The following FEZ1 variants were observed in gnomAD, a reference collection of about 807,000 sequenced individuals.
FEZ1 encodes fasciculation and elongation protein zeta-1.
In FEZ1, 20 loss-of-function variants were observed where a neutral mutation model predicts 49.3. That is an observed-to-expected ratio of 0.41 (90% confidence interval 0.29 to 0.59). The LOEUF is 0.59. FEZ1 is among the 20% of genes least tolerant of loss of function. FEZ1 has a pLI of 0.36. For missense variants in FEZ1, 413 were observed against 476.0 expected, an observed-to-expected ratio of 0.87 and a Z score of 1.23; for synonymous variants, 170 against 180.9, an observed-to-expected ratio of 0.94 and a Z score of 0.48.
intron 3 of FEZ1, among the ~76,000 whole-genome samples, chr11:125,477,852 T>G (rs1957245629): frequency 9.7e-6 from 1 of 103,300 alleles, no homozygotes; most frequent in African/African-American, 3.5e-5. Flanking sequence ...AGTGGAGCTT[T>G]ATGCAAAAAA....
chr11:125,452,466 T>G, intron 7 of FEZ1, 57 bp from the exon 8 acceptor site: 1 of 1,169,932 alleles, frequency 8.5e-7, no homozygotes, highest in Non-Finnish European at 1.3e-6. Context: ...TCCTCTGGGT[T>G]GAGATTTAGC....
chr11:125,455,644 G>A, intron 6 of FEZ1, 191 bp downstream of exon 6: 1 of 679,872 alleles, frequency 1.5e-6, no homozygotes, highest in Admixed American at 2.2e-5. Context: ...GGGTTAGACT[G>A]TGAGCCCTTT....
intron 3 of FEZ1, among the ~76,000 whole-genome samples, chr11:125,472,319 A>G (rs1047138692): frequency 1.3e-5 from 2 of 152,110 alleles, no homozygotes; most frequent in African/African-American, 2.4e-5. Context: ...TGGTTCTCTG[A>G]AAAGATTAAT....
Position 125,495,635 on chromosome 11 carries a change from G to T in FEZ1, c.-46+486C>A. On this transcript the variant is annotated intron_variant, in intron 1 of 9. Coordinates refer to ENST00000278919, the MANE Select transcript of FEZ1 (RefSeq NM_005103.5). This position sits in a 1 kb window ranked among gnomAD's most constrained non-coding sequence, Gnocchi z 4.2. Reference sequence around the variant, plus strand: ...TCGGGGGTAAGTTTTTAGGGACAAAGATGATCTTGGGGCGTTTACGGTGAC... The same window carrying T: ...TCGGGGGTAAGTTTTTAGGGACAAATATGATCTTGGGGCGTTTACGGTGAC... The T allele has an allele frequency of 2.2e-6, 1 of 452,678 alleles. No homozygotes were observed. The allele number at this position is 452,678 out of a possible 1,614,324, so 28.0% of individuals were successfully genotyped here. A position where few individuals can be genotyped will look rare whatever the true frequency, so the allele number is the denominator to read the frequency against.
chr11:125,463,491 GCTGT>G lies in FEZ1; in HGVS notation c.487_490del (p.Thr163GlnfsTer4). 1 of 1,590,160 alleles carries G rather than the reference GCTGT, an allele frequency of 6.3e-7. No homozygotes were observed. The highest frequency in any genetic ancestry group is 8.6e-7 in the Non-Finnish European group (1 of 1,158,330). On this transcript the variant is annotated frameshift_variant, in exon 4 of 10. Transcript: ENST00000278919. LOFTEE classifies it high-confidence loss of function. ...CTGGAGAGATACTTATACCTGATCT[GCTGT>G]GAGCAGAGGCTCCTCGTTGATACCG...
chr11:125,452,263 G>C (rs1253226724), intron 8 of FEZ1, 71 bp downstream of exon 8: 12 of 1,037,598 alleles, frequency 1.2e-5, no homozygotes, highest in Non-Finnish European at 1.7e-5. Context: ...CCTGCGGCAC[G>C]GAGGTACAAC....
chr11:125,454,016 C>G, intron 7 of FEZ1, 114 bp downstream of exon 7: 2 of 605,812 alleles, frequency 3.3e-6, no homozygotes, highest in Admixed American at 6.6e-5. Context: ...GGACCCCTAA[C>G]CCCCTAAATA....
rs1301890752 is a variant in FEZ1, at chr11:125,495,464, G to A, written c.-46+657C>T. The stretch of plus-strand genomic sequence containing the variant: ...CCCGACGGCAGCGCGCCCCGCCACC[G>A]CGCAGCCGCCCCGGTCCCTTCTCCC... On this transcript the variant is annotated intron_variant, in intron 1 of 9. Coordinates refer to ENST00000278919, the MANE Select transcript of FEZ1 (RefSeq NM_005103.5). The surrounding 1 kb of genome is among the most constrained non-coding windows in gnomAD (Gnocchi z 4.2). The A allele has an allele frequency of 6.4e-6, 3 of 470,258 alleles. No individual in the cohort carries two copies. The highest frequency in any genetic ancestry group is 2.4e-5 in the Admixed American group (1 of 42,508). 29.1% of individuals were successfully genotyped at this position (470,258 alleles called of 1,614,324 possible).
chr11:125,490,999 C>T (rs1465834213), intron 1 of FEZ1, among the ~76,000 whole-genome samples: 1 of 152,166 alleles, frequency 6.6e-6, no homozygotes, highest in African/African-American at 2.4e-5. Flanking sequence ...GGTGATCTAC[C>T]TGCCTCAGCC....
At chr11:125,481,347 A>G (rs1255095276) in intron 3 of FEZ1, among the ~76,000 whole-genome samples, 187 bp downstream of exon 3, 1 of 152,062 alleles carries the variant, frequency 6.6e-6, no homozygotes, top group Non-Finnish European at 1.5e-5. Flanking sequence ...TGGGGGTTTC[A>G]CCACGTGGCC....
At position 125,448,536 on chromosome 11, in the gene FEZ1, C is replaced by T; in HGVS notation, c.1128G>A (p.Lys376=). 1.2e-5 allele frequency: 19 copies of T among 1,612,278 alleles called. No homozygotes were observed. The highest frequency in any genetic ancestry group is 1.6e-5 in the Non-Finnish European group (19 of 1,178,348). ...ILFAMKEDNE[K]VPTLLTDYIL... ...TGTAGTCCGTTAGCAAAGTAGGCACCTTCTCATTATCCTCCTTCATGGCAA... is the reference window on the plus strand; with the variant it reads ...TGTAGTCCGTTAGCAAAGTAGGCACTTTCTCATTATCCTCCTTCATGGCAA... The change falls in exon 9 of 10, where the codon AAG becomes AAA. Residue 376 remains lysine (K), a synonymous_variant. Coordinates refer to ENST00000278919, the MANE Select transcript of FEZ1 (RefSeq NM_005103.5).
chr11:125,471,564 T>A (rs1565538608), intron 3 of FEZ1, among the ~76,000 whole-genome samples: 1 of 151,994 alleles, frequency 6.6e-6, no homozygotes, highest in South Asian at 2.1e-4. Flanking sequence ...CATTTCATAA[T>A]GATAAAAGGG....
In FEZ1 at chr11:125,443,240, T is replaced by G. The variant is rs572853829; in HGVS notation, c.*2855A>C. 1.3e-5 allele frequency among the ~76,000 whole-genome samples: 2 copies of G among 152,234 alleles called. No homozygotes were observed. The highest frequency in any genetic ancestry group is 1.5e-5 in the Non-Finnish European group (1 of 68,016). The stretch of plus-strand genomic sequence containing the variant: ...AGGACTTGAGTTTTGCAATCAGGAT[T>G]GACTCAGGCCTGAAAATCAGTTAAT... On this transcript the variant is annotated 3_prime_UTR_variant, in exon 10 of 10. Transcript: ENST00000278919.
At chr11:125,463,601 G>T (rs747820577) in intron 3 of FEZ1, 31 bp from the exon 4 acceptor site, 2 of 1,376,094 alleles carry the variant, frequency 1.5e-6, no homozygotes, top group Non-Finnish European at 2.1e-6. Flanking sequence ...TGGAATTCTG[G>T]GTGACCATCA....
At chr11:125,480,117 T>A (rs892359507) in intron 3 of FEZ1, among the ~76,000 whole-genome samples, 3 of 152,202 alleles carry the variant, frequency 2.0e-5, no homozygotes, top group Non-Finnish European at 4.4e-5. Flanking sequence ...GGCTCACACC[T>A]GTAATCCCAA....
chr11:125,486,202 A>T (rs1957325292), intron 2 of FEZ1, among the ~76,000 whole-genome samples: 1 of 152,204 alleles, frequency 6.6e-6, no homozygotes, highest in South Asian at 2.1e-4. Flanking sequence ...ATCACCTATA[A>T]CAATTCTATC....
At chr11:125,483,363 A>C (rs140295159) in intron 2 of FEZ1, among the ~76,000 whole-genome samples, 77 of 152,340 alleles carry the variant, frequency 5.1e-4, no homozygotes, top group African/African-American at 1.8e-3. Flanking sequence ...GCATCTGCTT[A>C]TTCATTATTT....
chr11:125,446,419 C>T (rs1413977920), intron 9 of FEZ1, among the ~76,000 whole-genome samples: 3 of 152,342 alleles, frequency 2.0e-5, no homozygotes, highest in Middle Eastern at 3.4e-3. Flanking sequence ...CCTGCGCCTA[C>T]CCCGCAGGGT....
At position 125,443,795 on chromosome 11, in the gene FEZ1, C is replaced by A. The variant is rs892368525; in HGVS notation, c.*2300G>T. ...GAGGAGCCACTGTTTTCAGCCTGCC[C>A]TGCTCACCTCCTCCTAGCCAGAGTG... is the stretch of plus-strand genomic sequence containing the variant. On this transcript the variant is annotated 3_prime_UTR_variant, in exon 10 of 10. Coordinates refer to ENST00000278919, the MANE Select transcript of FEZ1 (RefSeq NM_005103.5). Among the ~76,000 whole-genome samples the A allele has an allele frequency of 6.6e-6, 1 of 152,170 alleles. No individual in the cohort carries two copies. Among genetic ancestry groups the A allele is most frequent in the Non-Finnish European group, 1.5e-5 (1 of 68,038 alleles).
Sources: gnomAD v4.1 joint callset for allele counts (sites outside exome capture counted in the v4.1 genomes callset) on GRCh38, gnomAD v4.1.1 for gene constraint, Gnocchi (gnomAD v3.1) non-coding constraint, MANE v1.5 for transcripts, NCBI Gene and HGNC (gene_info 2026-07-23, HGNC 2026-07-21) for gene names.